The following ABCC4 variants were observed in gnomAD, a reference collection of about 807,000 sequenced individuals.
ABCC4 encodes ATP binding cassette subfamily C member 4 (PEL blood group).
Under a neutral mutation model 168.5 loss-of-function variants are expected in ABCC4, and 102 were observed. The observed-to-expected ratio is 0.61, with a 90% CI of 0.52 to 0.71. The LOEUF is 0.71. Among genes scored for constraint, ABCC4 ranks in the 30% least tolerant of loss-of-function variants. The pLI is 0.00. For missense variants in ABCC4, 1,402 were observed against 1,605.8 expected (o/e 0.87, Z 2.17); for synonymous variants, 617 against 590.7 (o/e 1.04, Z -0.65).
At chr13:95,172,839 A>T (rs1289211433) in intron 13 of ABCC4, among the ~76,000 whole-genome samples, 2 of 151,988 alleles carry the variant, frequency 1.3e-5, no homozygotes, top group Admixed American at 1.3e-4. Context: ...GGATCACTTG[A>T]GCCCAGGAGG....
chr13:95,297,230 C>T (rs774377908), intron 1 of ABCC4, among the ~76,000 whole-genome samples: 12 of 149,818 alleles, frequency 8.0e-5, no homozygotes, highest in Non-Finnish European at 1.6e-4. Flanking sequence ...GAGATCACAC[C>T]ACGGCCAGCC....
Position 95,301,261 on chromosome 13 carries a change from G to A in ABCC4, c.54C>T (p.Leu18=). The A allele has an allele frequency of 1.3e-6, 2 of 1,595,326 alleles. No homozygotes were observed. Among genetic ancestry groups the A allele is most frequent in the South Asian group, 1.1e-5 (1 of 88,588 alleles). ...VKPNPLQDAN[L]CSRVFFWWLN... Reference sequence around the variant, plus strand: ...CTCACCAGAAGAACACGCGTGAGCAGAGGTTCGCGTCCTGCAGCGGGTTGG... The same window carrying A: ...CTCACCAGAAGAACACGCGTGAGCAAAGGTTCGCGTCCTGCAGCGGGTTGG... The change falls in exon 1 of 31, where the codon CTC becomes CTT. Residue 18 remains leucine, a synonymous_variant. Transcript: ENST00000645237.
Position 95,163,665 on chromosome 13 carries a change from A to G in ABCC4, c.2176-18T>C. 6.2e-7 allele frequency: 1 copy of G among 1,607,336 alleles called. No homozygotes were observed. Among genetic ancestry groups the G allele is most frequent in the Non-Finnish European group, 8.5e-7 (1 of 1,175,846 alleles). ...TAGGCAACCTAGGAGGGGAGAAACA[A>G]CAAAGACAAAAATCAAACTTGGGCA... On this transcript the variant is annotated intron_variant, in intron 16 of 30. Transcript: ENST00000645237.
At chr13:95,183,782 C>T (rs9524819) in intron 11 of ABCC4, among the ~76,000 whole-genome samples, 11,527 of 152,204 alleles carry the variant, frequency 0.076, 545 homozygotes, top group Admixed American at 0.11. Flanking sequence ...GGCATGGTGG[C>T]GCACACCTGT....
intron 20 of ABCC4, among the ~76,000 whole-genome samples, chr13:95,107,153 A>G (rs1167975769): frequency 6.6e-6 from 1 of 152,040 alleles, no homozygotes; most frequent in Non-Finnish European, 1.5e-5. Context: ...GCTACCCGGG[A>G]GGCTGAGGCA....
rs1007407036 is a variant in ABCC4, at chr13:95,273,159, T to G, written c.75-25406A>C. On this transcript the variant is annotated intron_variant, in intron 1 of 30. Coordinates refer to ENST00000645237, the MANE Select transcript of ABCC4 (RefSeq NM_005845.5). ...ATGAAGAAGATGGTCCCTGCTTATC[T>G]GGAATGTTCCCTGAAACTTCCAAAC... Among the ~76,000 whole-genome samples the G allele has an allele frequency of 1.9e-3, 294 of 152,376 alleles. 2 individuals carry two copies. The highest frequency in any genetic ancestry group is 6.3e-3 in the African/African-American group (260 of 41,598).
intron 25 of ABCC4, among the ~76,000 whole-genome samples, chr13:95,067,882 A>T (rs1212746526): frequency 6.6e-6 from 1 of 152,200 alleles, no homozygotes; most frequent in Non-Finnish European, 1.5e-5. Context: ...AGTACTCTCT[A>T]AAATGATTAA....
intron 25 of ABCC4, among the ~76,000 whole-genome samples, chr13:95,069,695 C>T (rs561650506): frequency 6.6e-6 from 1 of 152,194 alleles, no homozygotes; most frequent in African/African-American, 2.4e-5. Flanking sequence ...GTAAGTGGAA[C>T]CTTATAGCAC....
rs1400854469 is a variant in ABCC4 at position 95,234,735 on chromosome 13, C to T, written c.406G>A (p.Ala136Thr). Residue 136 changes from alanine (A) to threonine (T), a missense_variant, in exon 4 of 31, where the codon GCC (alanine) becomes ACC (threonine). By Grantham distance (58) the Ala-to-Thr change is moderately conservative. Coordinates refer to ENST00000645237, the MANE Select transcript of ABCC4 (RefSeq NM_005845.5). ...CAAAAAGTCAGCACCGTGGCATAGG[C>T]GTACGCTGTGTTCAAAGCCACAGAA... ...MDSVALNTAYAYATVLTFCTL... is the reference protein window; with the variant it reads ...MDSVALNTAYTYATVLTFCTL... 9.3e-6 allele frequency: 15 copies of T among 1,613,864 alleles called. No homozygotes were observed. The highest frequency in any genetic ancestry group is 8.8e-5 in the South Asian group (8 of 91,064).
chr13:95,115,014 C>T (rs1473378433), intron 20 of ABCC4, among the ~76,000 whole-genome samples: 1 of 152,084 alleles, frequency 6.6e-6, no homozygotes, highest in Non-Finnish European at 1.5e-5. Flanking sequence ...GTGTTAGCAA[C>T]AGCAGCTGAG....
Position 95,186,859 on chromosome 13 carries a change from C to T in ABCC4, c.1387G>A (p.Ala463Thr), listed in dbSNP as rs778273161. Residue 463 changes from alanine (A) to threonine (T), a missense_variant, in exon 11 of 31, where the codon GCC becomes ACC. Transcript: ENST00000645237. Reference protein sequence around the residue: ...SLLSAVLGELAPSHGLVSVHG... With the variant: ...SLLSAVLGELTPSHGLVSVHG... Reference sequence around the variant, plus strand: ...ACGCTGACCAGCCCGTGACTTGGGGCCAATTCCCCGAGCACGGCACTTAAC... The same window carrying T: ...ACGCTGACCAGCCCGTGACTTGGGGTCAATTCCCCGAGCACGGCACTTAAC... 6.2e-7 allele frequency: 1 copy of T among 1,613,162 alleles called. No individual in the cohort carries two copies. The highest frequency in any genetic ancestry group is 8.5e-7 in the Non-Finnish European group (1 of 1,179,724).
At position 95,164,424 on chromosome 13, in the gene ABCC4, T is replaced by A. The variant is rs1181805822; in HGVS notation, c.2129A>T (p.His710Leu). Reference protein sequence around the residue: ...AYKNYFRAGAHWIVFIFLILL... With the variant: ...AYKNYFRAGALWIVFIFLILL... ...AATAAGGAAAATGAAGACAATCCAGTGAGCACCAGCTCTGAAGTAATTCTT... is the reference window on the plus strand; with the variant it reads ...AATAAGGAAAATGAAGACAATCCAGAGAGCACCAGCTCTGAAGTAATTCTT... Residue 710 changes from histidine (H) to leucine (L), a missense_variant, in exon 16 of 31, where the codon CAC (histidine) becomes CTC (leucine). By Grantham distance (99) the His-to-Leu change is moderately conservative. Coordinates refer to ENST00000645237, the MANE Select transcript of ABCC4 (RefSeq NM_005845.5). 1 of 1,614,182 alleles carries A rather than the reference T, an allele frequency of 6.2e-7. No homozygotes were observed. Among genetic ancestry groups the A allele is most frequent in the Non-Finnish European group, 8.5e-7 (1 of 1,180,032 alleles).
chr13:95,063,398 C>A (rs961096200), intron 25 of ABCC4, among the ~76,000 whole-genome samples: 13 of 151,862 alleles, frequency 8.6e-5, no homozygotes, highest in African/African-American at 3.1e-4. Context: ...TTCTAGAGTT[C>A]TATTATTTAA....
At position 95,044,104 on chromosome 13, in the gene ABCC4, C is replaced by T. The variant is rs530179465; in HGVS notation, c.3629+162G>A. On this transcript the variant is annotated intron_variant, in intron 28 of 30. Coordinates refer to ENST00000645237, the MANE Select transcript of ABCC4 (RefSeq NM_005845.5). Reference sequence around the variant, plus strand: ...ATAATATCTCTGACACTGGAAAACACGTTTGGGTTTCTTCTTTTTTTTTCA... The same window carrying T: ...ATAATATCTCTGACACTGGAAAACATGTTTGGGTTTCTTCTTTTTTTTTCA... Among the ~76,000 whole-genome samples the T allele has an allele frequency of 1.6e-3, 239 of 152,196 alleles. 1 individual carries two copies. The highest frequency in any genetic ancestry group is 5.6e-3 in the African/African-American group (231 of 41,524).
Position 95,044,289 on chromosome 13 carries a change from T to C in ABCC4, c.3606A>G (p.Glu1202=). ...LRKNQILIID[E]ATANVDPRTD... Reference sequence around the variant, plus strand: ...ACCTTGGATCCACATTTGCCGTCGCTTCATCAATAATCAATATCTGATTTT... The same window carrying C: ...ACCTTGGATCCACATTTGCCGTCGCCTCATCAATAATCAATATCTGATTTT... Residue 1202 remains glutamate (E), a synonymous_variant, in exon 28 of 31, where the codon GAA becomes GAG. Transcript: ENST00000645237. The C allele has an allele frequency of 6.2e-7, 1 of 1,613,030 alleles. No individual in the cohort carries two copies. Among genetic ancestry groups the C allele is most frequent in the Non-Finnish European group, 8.5e-7 (1 of 1,179,568 alleles).
At chr13:95,276,199 A>C (rs2040966029) in intron 1 of ABCC4, among the ~76,000 whole-genome samples, 1 of 152,156 alleles carries the variant, frequency 6.6e-6, no homozygotes, top group South Asian at 2.1e-4. Flanking sequence ...GGATTGCTCA[A>C]GCCCAGGAGT....
intron 20 of ABCC4, among the ~76,000 whole-genome samples, chr13:95,101,565 A>G (rs1277196321): frequency 6.6e-6 from 1 of 152,166 alleles, no homozygotes; most frequent in Non-Finnish European, 1.5e-5. Context: ...TAGTAGGAAG[A>G]CTTCTTAGAG....
chr13:95,183,065 T>C (rs1377161460), intron 11 of ABCC4, among the ~76,000 whole-genome samples: 3 of 149,750 alleles, frequency 2.0e-5, no homozygotes, highest in African/African-American at 7.4e-5. Flanking sequence ...TCCTATTTTT[T>C]CCTCTAGGAC....
chr13:95,196,440 C>T (rs906732118), intron 8 of ABCC4, among the ~76,000 whole-genome samples: 22 of 152,144 alleles, frequency 1.4e-4, no homozygotes, highest in Admixed American at 5.2e-4. Context: ...CTCCAAAATC[C>T]AGGTGGTGAA....
Sources: allele counts gnomAD v4.1 joint callset (sites outside exome capture counted in the v4.1 genomes callset), GRCh38; gene constraint gnomAD v4.1.1; transcripts MANE v1.5; gene names NCBI Gene and HGNC (gene_info 2026-07-23, HGNC 2026-07-21).